Variants in TMPRSS11B observed in about 807,000 individuals in gnomAD.
The protein encoded by TMPRSS11B is transmembrane serine protease 11B.
A neutral mutation model predicts 44.7 loss-of-function variants in TMPRSS11B; 53 were observed. The observed-to-expected ratio is 1.19, with a 90% confidence interval of 0.95 to 1.49. The LOEUF (loss-of-function observed/expected upper bound fraction) is 1.49, where lower values mean the gene tolerates loss of function less well. Among genes scored for constraint, TMPRSS11B ranks in the 40% most tolerant of loss-of-function variants. The pLI is 0.00. For synonymous variants in TMPRSS11B, 140 were observed against 159.2 expected (o/e 0.88, Z 0.91); for missense variants, 526 against 494.8 (o/e 1.06, Z -0.60).
At chr4:68,234,789 A>C (rs1275647845) in intron 4 of TMPRSS11B, among the ~76,000 whole-genome samples, 166 bp from the exon 5 acceptor site, 1 of 152,204 alleles carries the variant, frequency 6.6e-6, no homozygotes, top group Non-Finnish European at 1.5e-5. Context: ...TATCTAAAAA[A>C]ACTTCTAGTA....
At position 68,245,657 on chromosome 4, in the gene TMPRSS11B, AG is replaced by A; in HGVS notation, c.-100del. 1 of 1,440,918 alleles carries A rather than the reference AG, an allele frequency of 6.9e-7. No individual in the cohort carries two copies. The highest frequency in any genetic ancestry group is 9.7e-7 in the Non-Finnish European group (1 of 1,026,046). The allele number at this position is 1,440,918 out of a possible 1,614,324, so 89.3% of individuals were successfully genotyped here. A position where few individuals can be genotyped will look rare whatever the true frequency, so the allele number is the denominator to read the frequency against. On this transcript the variant is annotated 5_prime_UTR_variant, in exon 1 of 10. Transcript: ENST00000332644. Reference sequence around the variant, plus strand: ...CAATGCTGGTAATAGTGATGACAAAAGTTAGAACCTTCTGACGCAGCTTTTG... The same window carrying A: ...CAATGCTGGTAATAGTGATGACAAAATTAGAACCTTCTGACGCAGCTTTTG...
Position 68,234,600 on chromosome 4 carries a change from A to G in TMPRSS11B, c.332T>C (p.Val111Ala), listed in dbSNP as rs768845013. The change falls in exon 5 of 10, where the codon GTG (valine) becomes GCG (alanine). Residue 111 changes from valine (V) to alanine (A), a missense_variant. Physicochemically the swap from Val to Ala is moderately conservative, Grantham distance 64. Coordinates refer to ENST00000332644, the MANE Select transcript of TMPRSS11B (RefSeq NM_182502.3). Reference sequence around the variant, plus strand: ...AAACTTGAATTTCAGCTGTAACTGCACATTTGAACCATTGGCATTAGGCCT... The same window carrying G: ...AAACTTGAATTTCAGCTGTAACTGCGCATTTGAACCATTGGCATTAGGCCT... ...KLLPNANGSN[V>A]QLQLKFKFPP... 12 of 1,613,810 alleles carry G rather than the reference A, an allele frequency of 7.4e-6. No homozygotes were observed. The highest frequency in any genetic ancestry group is 1.0e-5 in the Non-Finnish European group (12 of 1,179,936).
chr4:68,242,848 T>A (rs538328831), intron 1 of TMPRSS11B, among the ~76,000 whole-genome samples: 58 of 152,306 alleles, frequency 3.8e-4, no homozygotes, highest in Middle Eastern at 3.4e-3. Flanking sequence ...ATTACAAGCA[T>A]GAGCCACTGC....
At chr4:68,234,658 C>G in intron 4 of TMPRSS11B, 35 bp from the exon 5 acceptor site, 1 of 1,603,808 alleles carries the variant, frequency 6.2e-7, no homozygotes, top group Non-Finnish European at 8.5e-7. Flanking sequence ...TGTACTGTTT[C>G]TTGATCTTTT....
At chr4:68,237,338 T>A (rs575869115) in intron 2 of TMPRSS11B, among the ~76,000 whole-genome samples, 1 of 152,172 alleles carries the variant, frequency 6.6e-6, no homozygotes, top group Non-Finnish European at 1.5e-5. Flanking sequence ...CAGTCTATCA[T>A]TGATGGGCAT....
intron 6 of TMPRSS11B, among the ~76,000 whole-genome samples, 189 bp from the exon 7 acceptor site, chr4:68,231,569 T>A (rs2109956569): frequency 6.6e-6 from 1 of 152,344 alleles, no homozygotes; most frequent in African/African-American, 2.4e-5. Flanking sequence ...TTCTTACTTA[T>A]CCTCTTTTCC....
In TMPRSS11B at chr4:68,231,387, A is replaced by G; in HGVS notation, c.509-7T>C. 2 of 1,606,876 alleles carry G rather than the reference A, an allele frequency of 1.2e-6. No individual in the cohort carries two copies. The highest frequency in any genetic ancestry group is 2.2e-5 in the South Asian group (2 of 89,924). ...GCTACTTGTCTCCCACAACCTAGAGAAAGGATTTATTTACACGAGAGCAGG... is the reference window on the plus strand; with the variant it reads ...GCTACTTGTCTCCCACAACCTAGAGGAAGGATTTATTTACACGAGAGCAGG... On this transcript the variant is annotated splice_polypyrimidine_tract_variant and splice_region_variant and intron_variant, in intron 6 of 9. Coordinates refer to ENST00000332644, the MANE Select transcript of TMPRSS11B (RefSeq NM_182502.3).
intron 2 of TMPRSS11B, among the ~76,000 whole-genome samples, chr4:68,237,676 C>T (rs571155372): frequency 9.2e-5 from 14 of 152,222 alleles, no homozygotes; most frequent in East Asian, 5.8e-4. Context: ...AACTGCTTCA[C>T]GTGATACATT....
intron 1 of TMPRSS11B, among the ~76,000 whole-genome samples, chr4:68,243,967 T>C (rs1292535702): frequency 6.6e-6 from 1 of 152,142 alleles, no homozygotes; most frequent in Non-Finnish European, 1.5e-5. Flanking sequence ...GGCTTTCTCT[T>C]GTCAAAAATA....
intron 9 of TMPRSS11B, 147 bp from the exon 10 acceptor site, chr4:68,228,219 A>T (rs1040854790): frequency 2.5e-5 from 18 of 724,542 alleles, no homozygotes; most frequent in Non-Finnish European, 3.9e-5. Context: ...ACTTTTTTTT[A>T]AAACACAAGA....
At position 68,227,908 on chromosome 4, in the gene TMPRSS11B, T is replaced by C. The variant is rs190601464; in HGVS notation, c.*3A>G. ...TATGTTCCTTTGTATAATTCCTTTT[T>C]TTTCAGAGTCCAGTCTTGGATGTAA... is the stretch of plus-strand genomic sequence containing the variant. On this transcript the variant is annotated 3_prime_UTR_variant, in exon 10 of 10. Coordinates refer to ENST00000332644, the MANE Select transcript of TMPRSS11B (RefSeq NM_182502.3). 2.5e-6 allele frequency: 4 copies of C among 1,599,194 alleles called. No homozygotes were observed. The highest frequency in any genetic ancestry group is 3.6e-5 in the Admixed American group (2 of 56,278).
Position 68,234,527 on chromosome 4 carries a change from T to A in TMPRSS11B, c.405A>T (p.Leu135Phe). The A allele has an allele frequency of 6.2e-7, 1 of 1,614,034 alleles. No homozygotes were observed. The highest frequency in any genetic ancestry group is 8.5e-7 in the Non-Finnish European group (1 of 1,179,954). The change falls in exon 5 of 10, where the codon TTA (leucine) becomes TTT (phenylalanine). Residue 135 changes from leucine (L) to phenylalanine (F), a missense_variant. Coordinates refer to ENST00000332644, the MANE Select transcript of TMPRSS11B (RefSeq NM_182502.3). ...CCATGTTGTTTTTCAACATCTGATG[T>A]AATTTAGCCTTGATTTTAGTCCTCA... ...VSMRTKIKAK[L>F]HQMLKNNMAS...
At chr4:68,234,723 A>G in intron 4 of TMPRSS11B, 100 bp from the exon 5 acceptor site, 1 of 1,292,758 alleles carries the variant, frequency 7.7e-7, no homozygotes, top group Non-Finnish European at 1.1e-6. Context: ...CATTTTCTTT[A>G]CATATATTAA....
intron 6 of TMPRSS11B, 132 bp from the exon 7 acceptor site, chr4:68,231,512 AC>A: frequency 1.2e-6 from 1 of 818,092 alleles, no homozygotes; most frequent in Non-Finnish European, 1.9e-6. Flanking sequence ...TTTCTTTCCT[AC>A]AAGATACTCC....
intron 2 of TMPRSS11B, among the ~76,000 whole-genome samples, chr4:68,238,844 A>G (rs1479000367): frequency 6.6e-6 from 1 of 152,206 alleles, no homozygotes. Flanking sequence ...GAAGCTTGTC[A>G]CCAAATGACT....
intron 7 of TMPRSS11B, 134 bp downstream of exon 7, chr4:68,231,069 G>T: frequency 1.5e-6 from 1 of 669,272 alleles, no homozygotes; most frequent in Non-Finnish European, 2.2e-6. Flanking sequence ...TTACGCAGGT[G>T]ATTGTAAATG....
intron 7 of TMPRSS11B, 50 bp downstream of exon 7, chr4:68,231,153 A>G (rs1475801512): frequency 1.3e-6 from 2 of 1,520,210 alleles, no homozygotes; most frequent in Non-Finnish European, 8.9e-7. Flanking sequence ...AAACTATCCA[A>G]AATAGTTTTG....
intron 5 of TMPRSS11B, among the ~76,000 whole-genome samples, chr4:68,233,901 G>A (rs1719588294): frequency 6.6e-6 from 1 of 152,050 alleles, no homozygotes; most frequent in Non-Finnish European, 1.5e-5. Flanking sequence ...CCTGGGCTCG[G>A]TGGCTCATGC....
intron 9 of TMPRSS11B, 123 bp from the exon 10 acceptor site, chr4:68,228,195 C>A: frequency 1.1e-6 from 1 of 898,746 alleles, no homozygotes; most frequent in Non-Finnish European, 1.6e-6. Flanking sequence ...GCTTAGAACT[C>A]TGAAACCCTT....
Sources: allele counts gnomAD v4.1 joint callset (sites outside exome capture counted in the v4.1 genomes callset), GRCh38; gene constraint gnomAD v4.1.1; transcripts MANE v1.5; gene names NCBI Gene and HGNC (gene_info 2026-07-23, HGNC 2026-07-21).